Variants in GRM7 observed in about 807,000 individuals in gnomAD.
The protein encoded by GRM7 is metabotropic glutamate receptor 7.
GRM7 carries 35 observed loss-of-function variants against 84.5 expected under a neutral mutation model. That is an observed-to-expected ratio of 0.41 (90% CI 0.32 to 0.55). The LOEUF (loss-of-function observed/expected upper bound fraction) is 0.55, where lower values mean the gene tolerates loss of function less well. Among genes scored for constraint, GRM7 ranks in the 20% least tolerant of loss-of-function variants. The pLI is 0.19. For synonymous variants in GRM7, 487 were observed against 455.1 expected, an observed-to-expected ratio of 1.07 and a Z score of -0.89; for missense variants, 1,003 against 1,194.6, an observed-to-expected ratio of 0.84 and a Z score of 2.36.
intron 2 of GRM7, among the ~76,000 whole-genome samples, chr3:7,247,515 C>G (rs539580686): frequency 1.7e-3 from 248 of 150,096 alleles, no homozygotes; most frequent in African/African-American, 6.0e-3. Context: ...AGGAGGATAA[C>G]TTGAGCCCAG....
At chr3:7,438,832 C>T (rs1006886957) in intron 5 of GRM7, among the ~76,000 whole-genome samples, 1 of 152,046 alleles carries the variant, frequency 6.6e-6, no homozygotes, top group Non-Finnish European at 1.5e-5. Context: ...GGGACACACA[C>T]AATATATACA....
At chr3:7,391,557 C>T (rs1008923637) in intron 4 of GRM7, among the ~76,000 whole-genome samples, 2 of 151,498 alleles carry the variant, frequency 1.3e-5, no homozygotes, top group Admixed American at 1.3e-4. Context: ...CGGGGCCTGT[C>T]GTGGGGCGGG....
chr3:6,950,330 C>T (rs1310703434), intron 1 of GRM7, among the ~76,000 whole-genome samples: 5 of 152,318 alleles, frequency 3.3e-5, no homozygotes, highest in African/African-American at 1.2e-4. Context: ...ACTCCAGACC[C>T]TGTTTGCCTG....
chr3:7,099,357 C>G, intron 1 of GRM7, among the ~76,000 whole-genome samples: 1 of 118,336 alleles, frequency 8.5e-6, no homozygotes, highest in South Asian at 2.7e-4. Context: ...TATATATGTA[C>G]ACATGTATAC....
rs115086752 is a variant in GRM7 at position 7,497,496 on chromosome 3, G to A, written c.1515+35774G>A. 3.2e-3 allele frequency among the ~76,000 whole-genome samples: 493 copies of A among 152,176 alleles called. 13 individuals are homozygous for A. Among genetic ancestry groups the A allele is most frequent in the East Asian group, 5.2e-3 (27 of 5,170 alleles). ...CTACCAACATGGGAGGTTTCAGTGC[G>A]TGGCTCGATTTATTTATTTTTTCTC... On this transcript the variant is annotated intron_variant, in intron 7 of 9. Transcript: ENST00000357716.
chr3:7,061,457 C>A (rs930715303), intron 1 of GRM7, among the ~76,000 whole-genome samples: 13 of 151,662 alleles, frequency 8.6e-5, no homozygotes, highest in Admixed American at 7.3e-4. Flanking sequence ...CATACCTAAG[C>A]TTCCATGGTA....
intron 1 of GRM7, among the ~76,000 whole-genome samples, chr3:7,005,668 T>C (rs546649502): frequency 3.9e-5 from 6 of 152,322 alleles, no homozygotes; most frequent in Admixed American, 3.9e-4. Flanking sequence ...AGTAAGCCTC[T>C]TGCAATAGCA....
chr3:7,448,863 G>T (rs999003923), intron 5 of GRM7, among the ~76,000 whole-genome samples: 1 of 151,878 alleles, frequency 6.6e-6, no homozygotes, highest in Admixed American at 6.6e-5. Flanking sequence ...GTCTTTATTA[G>T]TGTAGTTTAG....
At chr3:7,032,832 T>C (rs976955327) in intron 1 of GRM7, among the ~76,000 whole-genome samples, 2 of 152,188 alleles carry the variant, frequency 1.3e-5, no homozygotes, top group Non-Finnish European at 1.5e-5. Flanking sequence ...AGATACCAAC[T>C]GAGTCAAAGA....
At chr3:7,177,384 T>C (rs576306802) in intron 2 of GRM7, among the ~76,000 whole-genome samples, 1 of 152,330 alleles carries the variant, frequency 6.6e-6, no homozygotes, top group African/African-American at 2.4e-5. Flanking sequence ...TCAGTAATTA[T>C]GTTGAAGTCA....
intron 7 of GRM7, among the ~76,000 whole-genome samples, chr3:7,487,632 A>G (rs75823353): frequency 0.033 from 5,074 of 152,310 alleles, 155 homozygotes; most frequent in Non-Finnish European, 0.044. Flanking sequence ...CCTTGTTGCC[A>G]TTCACTACCA....
At chr3:7,670,985 G>C (rs1264864042) in intron 8 of GRM7, among the ~76,000 whole-genome samples, 1 of 152,192 alleles carries the variant, frequency 6.6e-6, no homozygotes, top group African/African-American at 2.4e-5. Context: ...CTGCAAGGCA[G>C]AGATCTAACA....
At chr3:7,347,227 G>C (rs1692933379) in intron 4 of GRM7, among the ~76,000 whole-genome samples, 1 of 152,020 alleles carries the variant, frequency 6.6e-6, no homozygotes, top group African/African-American at 2.4e-5. Context: ...TTACTACCGA[G>C]GTAACACAAC....
chr3:7,417,682 C>T (rs924444538), intron 5 of GRM7, among the ~76,000 whole-genome samples: 1 of 152,086 alleles, frequency 6.6e-6, no homozygotes, highest in Non-Finnish European at 1.5e-5. Context: ...ACAGAGCTCT[C>T]TCTGTGACTT....
At chr3:7,149,237 C>T (rs1451444529) in intron 2 of GRM7, among the ~76,000 whole-genome samples, 2 of 152,188 alleles carry the variant, frequency 1.3e-5, no homozygotes, top group South Asian at 2.1e-4. Flanking sequence ...AGTAAGTCTA[C>T]TCAGTTTTGG....
chr3:6,893,331 A>G (rs1202724529), intron 1 of GRM7, among the ~76,000 whole-genome samples: 1 of 152,100 alleles, frequency 6.6e-6, no homozygotes, highest in Admixed American at 6.6e-5. Flanking sequence ...CTTAATAGAT[A>G]ATATTAATAT....
chr3:7,138,906 C>A (rs1273342022), intron 1 of GRM7, among the ~76,000 whole-genome samples: 2 of 150,736 alleles, frequency 1.3e-5, no homozygotes, highest in Admixed American at 6.6e-5. Context: ...CATTAAGACC[C>A]AAAAAGATAT....
chr3:7,716,359 C>A (rs1701769552), intron 9 of GRM7, among the ~76,000 whole-genome samples: 1 of 152,202 alleles, frequency 6.6e-6, no homozygotes, highest in African/African-American at 2.4e-5. Flanking sequence ...GCCCTCATTT[C>A]CCTTTCTTTC....
chr3:7,121,611 T>A (rs745859992), intron 1 of GRM7, among the ~76,000 whole-genome samples: 31 of 152,140 alleles, frequency 2.0e-4, no homozygotes, highest in Admixed American at 1.8e-3. Context: ...TATCTCCCTC[T>A]TGGTCTAATT....
Sources: allele counts gnomAD v4.1 joint callset (sites outside exome capture counted in the v4.1 genomes callset), GRCh38; gene constraint gnomAD v4.1.1; transcripts MANE v1.5; gene names NCBI Gene and HGNC (gene_info 2026-07-23, HGNC 2026-07-21).